The following DISP1 variants were observed in gnomAD, a reference collection of about 807,000 sequenced individuals.
DISP1 encodes dispatched RND transporter family member 1.
DISP1 carries 30 observed loss-of-function variants against 37.3 expected under a neutral mutation model. The ratio of observed to expected loss-of-function variants is 0.80; its 90% CI spans 0.60 to 1.09. DISP1 has a LOEUF of 1.09. Ranked by LOEUF, DISP1 falls within the 50% of genes least tolerant of loss-of-function variation. The pLI is 0.00. For synonymous variants in DISP1, 634 were observed against 690.2 expected (o/e 0.92, Z 1.28); for missense variants, 1,598 against 1,879.5 (o/e 0.85, Z 2.77).
At chr1:222,943,399 T>G (rs1674529226) in intron 3 of DISP1, 67 bp downstream of exon 3, 1 of 1,602,746 alleles carries the variant, frequency 6.2e-7, no homozygotes, top group Non-Finnish European at 8.5e-7. Context: ...AGCTTGTGTT[T>G]ATTTTCCTGA....
In DISP1 at chr1:222,840,553, A is replaced by ATC. The variant is rs201672280; in HGVS notation, c.-159+25479_-159+25480dup. ...CACCATGCCTGGCCATTAGTACAGT[A>ATC]TCTCTTTTTTTTTTTTTTTTTTTTC... On this transcript the variant is annotated intron_variant, in intron 1 of 8. Coordinates refer to ENST00000675850, the MANE Select transcript of DISP1 (RefSeq NM_001377229.1). Among the ~76,000 whole-genome samples, 259 of 122,202 alleles carry ATC rather than the reference A, an allele frequency of 2.1e-3. 2 individuals are homozygous for ATC. Among genetic ancestry groups the ATC allele is most frequent in the Non-Finnish European group, 3.4e-3 (195 of 57,360 alleles). The allele number at this position is 122,202 out of a possible 152,430, so 80.2% of individuals were successfully genotyped here.
At chr1:222,892,642 T>C (rs61840292) in intron 1 of DISP1, among the ~76,000 whole-genome samples, 5,993 of 152,328 alleles carry the variant, frequency 0.039, 194 homozygotes, top group Non-Finnish European at 0.06. Context: ...CGATTATTTG[T>C]AAATACTTTT....
chr1:222,978,072 A>G (rs529338962), intron 3 of DISP1, among the ~76,000 whole-genome samples: 116 of 152,296 alleles, frequency 7.6e-4, no homozygotes, highest in Admixed American at 3.1e-3. Context: ...GGCTGGGTCA[A>G]ATGGTATTTC....
rs1354417112 is a variant in DISP1, at chr1:222,936,859, A to ATAATATATT, written c.-17-5948_-17-5947insTAATATATT. On this transcript the variant is annotated intron_variant, in intron 2 of 8. Coordinates refer to ENST00000675850, the MANE Select transcript of DISP1 (RefSeq NM_001377229.1). ...TATATATATCATATATATGATATAT[A>ATAATATATT]ATTTATATATCATATATATGATATA... Among the ~76,000 whole-genome samples, 15 of 59,302 alleles carry ATAATATATT rather than the reference A, an allele frequency of 2.5e-4. No individual in the cohort carries two copies. In the South Asian group the frequency reaches 4.4e-3, roughly 17 times the overall value. 38.9% of individuals were successfully genotyped at this position (59,302 alleles called of 152,430 possible). A position where few individuals can be genotyped will look rare whatever the true frequency, so the allele number is the denominator to read the frequency against.
chr1:222,948,579 G>T (rs933976290), intron 3 of DISP1, among the ~76,000 whole-genome samples: 3 of 152,152 alleles, frequency 2.0e-5, no homozygotes, highest in Non-Finnish European at 4.4e-5. Flanking sequence ...GGTTGATCTC[G>T]ACCAGGAACT....
intron 3 of DISP1, among the ~76,000 whole-genome samples, chr1:222,968,266 C>G (rs1230180309): frequency 6.6e-6 from 1 of 152,098 alleles, no homozygotes; most frequent in Non-Finnish European, 1.5e-5. Flanking sequence ...CCATATGCAA[C>G]TCCCCTTCAG....
chr1:222,898,166 A>T (rs1450331529), intron 1 of DISP1, among the ~76,000 whole-genome samples: 1 of 152,194 alleles, frequency 6.6e-6, no homozygotes, highest in East Asian at 1.9e-4. Flanking sequence ...ATGTGGAAGA[A>T]ATCTAACTGC....
chr1:222,833,561 G>A (rs563574183), intron 1 of DISP1, among the ~76,000 whole-genome samples: 7 of 152,302 alleles, frequency 4.6e-5, no homozygotes, highest in South Asian at 2.1e-4. Flanking sequence ...GGAGAAGGGC[G>A]TAGGAAAGGC....
At chr1:222,834,546 T>G (rs1394365238) in intron 1 of DISP1, among the ~76,000 whole-genome samples, 1 of 152,198 alleles carries the variant, frequency 6.6e-6, no homozygotes, top group Admixed American at 6.5e-5. Flanking sequence ...GGTCTTACTA[T>G]TAAGACATTC....
At position 222,873,660 on chromosome 1, in the gene DISP1, A is replaced by G. The variant is rs1417476006; in HGVS notation, c.-158-54770A>G. Among the ~76,000 whole-genome samples the G allele has an allele frequency of 5.3e-5, 8 of 152,108 alleles. No homozygotes were observed. In the East Asian group the frequency reaches 1.4e-3, roughly 26 times the overall value. On this transcript the variant is annotated intron_variant, in intron 1 of 8. Coordinates refer to ENST00000675850, the MANE Select transcript of DISP1 (RefSeq NM_001377229.1). ...TCCTCCATCCCTTTATTTTGAGCCTATGTGTGTTTCTGCACGTGAGATGGG... is the reference window on the plus strand; with the variant it reads ...TCCTCCATCCCTTTATTTTGAGCCTGTGTGTGTTTCTGCACGTGAGATGGG...
intron 1 of DISP1, among the ~76,000 whole-genome samples, chr1:222,870,397 G>T (rs1669474917): frequency 6.6e-6 from 1 of 152,152 alleles, no homozygotes; most frequent in African/African-American, 2.4e-5. Flanking sequence ...CTAGTTTACA[G>T]TCCCACCAAC....
At chr1:222,837,773 A>T (rs1007090780) in intron 1 of DISP1, among the ~76,000 whole-genome samples, 2 of 152,226 alleles carry the variant, frequency 1.3e-5, no homozygotes, top group Non-Finnish European at 2.9e-5. Context: ...ATGGGCAAGA[A>T]GACCTTTATG....
At chr1:222,865,300 GGTTA>G (rs746347366) in intron 1 of DISP1, among the ~76,000 whole-genome samples, 1 of 151,960 alleles carries the variant, frequency 6.6e-6, no homozygotes, top group Non-Finnish European at 1.5e-5. Context: ...TTGGAAAAGG[GGTTA>G]GTTTTATATT....
At chr1:222,926,951 G>T (rs2789966) in intron 1 of DISP1, among the ~76,000 whole-genome samples, 24,906 of 152,056 alleles carry the variant, frequency 0.16, 2,113 homozygotes, top group East Asian at 0.3. Flanking sequence ...GACTGTGAAA[G>T]CACCATGAGG....
intron 3 of DISP1, among the ~76,000 whole-genome samples, chr1:222,963,763 G>A (rs1200906649): frequency 6.6e-6 from 1 of 151,846 alleles, no homozygotes; most frequent in Non-Finnish European, 1.5e-5. Context: ...AGGGCCTGTT[G>A]GGGGGTTGGG....
chr1:222,879,191 T>G (rs1670138986), intron 1 of DISP1, among the ~76,000 whole-genome samples: 1 of 152,168 alleles, frequency 6.6e-6, no homozygotes, highest in Non-Finnish European at 1.5e-5. Context: ...ACAAGGTTAT[T>G]TAATATCTTA....
At chr1:222,995,237 C>T in intron 8 of DISP1, among the ~76,000 whole-genome samples, 1 of 152,170 alleles carries the variant, frequency 6.6e-6, no homozygotes, top group East Asian at 1.9e-4. Flanking sequence ...ATGGTGTTTT[C>T]TGTTATTTCA....
At chr1:222,986,432 C>T (rs1446720048) in intron 4 of DISP1, among the ~76,000 whole-genome samples, 1 of 152,204 alleles carries the variant, frequency 6.6e-6, no homozygotes, top group African/African-American at 2.4e-5. Context: ...CTATAAGATA[C>T]TTCGTTTATT....
At chr1:222,882,998 A>T (rs1572417843) in intron 1 of DISP1, among the ~76,000 whole-genome samples, 1 of 152,318 alleles carries the variant, frequency 6.6e-6, no homozygotes, top group East Asian at 1.9e-4. Context: ...ATCTCCATAT[A>T]GTGAAGAAAC....
Sources: allele counts gnomAD v4.1 joint callset (sites outside exome capture counted in the v4.1 genomes callset), GRCh38; gene constraint gnomAD v4.1.1; transcripts MANE v1.5; gene names NCBI Gene and HGNC (gene_info 2026-07-23, HGNC 2026-07-21).